Variants in ACTL8 observed in about 807,000 individuals in gnomAD.
ACTL8 encodes the protein actin like 8.
Under a neutral mutation model 9.3 loss-of-function variants are expected in ACTL8, and 3 were observed. The ratio of observed to expected loss-of-function variants is 0.32; its 90% CI spans 0.15 to 0.83. The LOEUF is 0.83. Ranked by LOEUF, ACTL8 falls within the 40% of genes least tolerant of loss-of-function variation. The pLI is 0.57. For synonymous variants in ACTL8, 224 were observed against 205.9 expected (o/e 1.09, Z -0.75); for missense variants, 381 against 492.2 (o/e 0.77, Z 2.14).
intron 1 of ACTL8, among the ~76,000 whole-genome samples, chr1:17,780,344 G>C (rs1000349080): frequency 6.6e-6 from 1 of 152,192 alleles, no homozygotes; most frequent in African/African-American, 2.4e-5. Flanking sequence ...AGAGAGGGCT[G>C]GGGCCTTGCC....
chr1:17,776,433 C>T (rs1277653587), intron 1 of ACTL8, among the ~76,000 whole-genome samples: 1 of 152,146 alleles, frequency 6.6e-6, no homozygotes, highest in Admixed American at 6.5e-5. Context: ...TTTGGCCCTC[C>T]CGCTGTGCCC....
rs776113432 is a variant in ACTL8, at chr1:17,825,775, T to C, written c.357T>C (p.Phe119=). ...ATTCTCCCTCGTTGCAGATCCTGTTTGAGTTGCTGCATGTCCCATCGGTCC... is the reference window on the plus strand; with the variant it reads ...ATTCTCCCTCGTTGCAGATCCTGTTCGAGTTGCTGCATGTCCCATCGGTCC... The part of the protein sequence containing the change: ...ADRKKMLEIL[F]ELLHVPSVLL... The change falls in exon 3 of 3, where the codon TTT becomes TTC. Residue 119 remains phenylalanine (F), a synonymous_variant. Transcript: ENST00000375406. The C allele has an allele frequency of 5.6e-6, 9 of 1,611,610 alleles. No homozygotes were observed. The Admixed American group carries it at 1.2e-4, about 21-fold the overall frequency.
intron 2 of ACTL8, among the ~76,000 whole-genome samples, chr1:17,824,891 G>A (rs1213899671): frequency 1.3e-5 from 2 of 152,068 alleles, no homozygotes; most frequent in Non-Finnish European, 2.9e-5. Flanking sequence ...AGAAATGGCT[G>A]GTGGGGGGAC....
At chr1:17,810,852 A>T (rs1195226776) in intron 1 of ACTL8, among the ~76,000 whole-genome samples, 1 of 152,238 alleles carries the variant, frequency 6.6e-6, no homozygotes, top group Non-Finnish European at 1.5e-5. Flanking sequence ...TTTATTGCTA[A>T]GTAGTATTCC....
intron 1 of ACTL8, among the ~76,000 whole-genome samples, chr1:17,821,487 A>G (rs1408668581): frequency 6.6e-6 from 1 of 152,186 alleles, no homozygotes; most frequent in East Asian, 1.9e-4. Context: ...ATGGACATCC[A>G]ATTGTTCTTT....
chr1:17,820,141 C>T (rs747014881), intron 1 of ACTL8, among the ~76,000 whole-genome samples: 8 of 152,230 alleles, frequency 5.3e-5, no homozygotes, highest in Admixed American at 2.6e-4. Flanking sequence ...GCCCCAAATT[C>T]TGCCATGTCC....
chr1:17,826,445 G>T lies in ACTL8; in HGVS notation c.1027G>T (p.Val343Leu). The change falls in exon 3 of 3, where the codon GTG becomes TTG. Residue 343 changes from valine (V) to leucine (L), a missense_variant. By Grantham distance (32) the Val-to-Leu change is conservative. Coordinates refer to ENST00000375406, the MANE Select transcript of ACTL8 (RefSeq NM_030812.3). This position sits in a 1 kb window ranked among gnomAD's most constrained non-coding sequence, Gnocchi z 4.5. ...CTTTAGTGTCTGGCTAGGAGCGTCCGTGGTGGCTCACCTTTCTACCTACCA... is the reference window on the plus strand; with the variant it reads ...CTTTAGTGTCTGGCTAGGAGCGTCCTTGGTGGCTCACCTTTCTACCTACCA... ...RNFSVWLGAS[V>L]VAHLSTYQSE... 6.2e-7 allele frequency: 1 copy of T among 1,613,358 alleles called. No individual in the cohort carries two copies. Among genetic ancestry groups the T allele is most frequent in the Non-Finnish European group, 8.5e-7 (1 of 1,179,604 alleles).
At chr1:17,793,092 A>G (rs911587775) in intron 1 of ACTL8, among the ~76,000 whole-genome samples, 1 of 152,186 alleles carries the variant, frequency 6.6e-6, no homozygotes, top group Non-Finnish European at 1.5e-5. Context: ...ACTTTCTTGC[A>G]CTGTCGAGGG....
At chr1:17,772,623 A>G (rs925997867) in intron 1 of ACTL8, among the ~76,000 whole-genome samples, 1 of 152,198 alleles carries the variant, frequency 6.6e-6, no homozygotes. Flanking sequence ...GGAGAGAGGG[A>G]GCCCAATAGT....
At chr1:17,790,919 G>C (rs2066234184) in intron 1 of ACTL8, among the ~76,000 whole-genome samples, 1 of 152,230 alleles carries the variant, frequency 6.6e-6, no homozygotes, top group Non-Finnish European at 1.5e-5. Flanking sequence ...ATCTGGCTGG[G>C]CTGTGACAGG....
chr1:17,826,280 C>T lies in ACTL8; in HGVS notation c.862C>T (p.Arg288Cys), dbSNP rs375817792. 1.1e-5 allele frequency: 17 copies of T among 1,611,008 alleles called. No homozygotes were observed. Among genetic ancestry groups the T allele is most frequent in the Middle Eastern group, 3.3e-4 (2 of 6,078 alleles). Reference sequence around the variant, plus strand: ...CGTGGAGTCCTGCGAGATCTCCCTGCGCCCCCTGCTGGTCTCCCACGTGAT... The same window carrying T: ...CGTGGAGTCCTGCGAGATCTCCCTGTGCCCCCTGCTGGTCTCCCACGTGAT... ...ESVESCEISL[R>C]PLLVSHVMAC... Residue 288 changes from arginine (R) to cysteine (C), a missense_variant, in exon 3 of 3, where the codon CGC becomes TGC. By Grantham distance (180) the Arg-to-Cys change is radical (BLOSUM62 -3). Around this residue, in one of 3 missense-constraint regions of ACTL8, gnomAD observed 243 missense variants for 276.2 expected, o/e 0.88. Transcript: ENST00000375406. The surrounding 1 kb of genome is among the most constrained non-coding windows in gnomAD (Gnocchi z 4.5).
At chr1:17,810,417 A>G (rs1217450929) in intron 1 of ACTL8, among the ~76,000 whole-genome samples, 1 of 152,194 alleles carries the variant, frequency 6.6e-6, no homozygotes, top group Non-Finnish European at 1.5e-5. Context: ...AAATAAGAAT[A>G]TTCTCTTTGA....
intron 1 of ACTL8, among the ~76,000 whole-genome samples, chr1:17,764,576 A>AC (rs771804563): frequency 8.6e-5 from 13 of 151,302 alleles, no homozygotes; most frequent in South Asian, 2.1e-4. Context: ...GCTTCTGGGC[A>AC]CCCCCCCACA....
intron 1 of ACTL8, among the ~76,000 whole-genome samples, chr1:17,820,386 T>C (rs963833035): frequency 2.6e-5 from 4 of 152,172 alleles, no homozygotes; most frequent in African/African-American, 7.2e-5. Context: ...GAATGGAGAT[T>C]TGTGTATTCA....
intron 1 of ACTL8, among the ~76,000 whole-genome samples, chr1:17,769,720 G>A (rs954359966): frequency 6.6e-6 from 1 of 152,200 alleles, no homozygotes; most frequent in African/African-American, 2.4e-5. Flanking sequence ...TGGTGGGCAC[G>A]TGCTCAGCTC....
chr1:17,787,758 G>T (rs983208642), intron 1 of ACTL8, among the ~76,000 whole-genome samples: 1 of 152,040 alleles, frequency 6.6e-6, no homozygotes, highest in Non-Finnish European at 1.5e-5. Context: ...TTTCTCTGGG[G>T]TATAATCCCA....
At chr1:17,825,309 CG>C (rs1189952257) in intron 2 of ACTL8, among the ~76,000 whole-genome samples, 1 of 150,700 alleles carries the variant, frequency 6.6e-6, no homozygotes, top group East Asian at 2.0e-4. Context: ...TTCGTTCTGG[CG>C]TCTTTTTTCT....
chr1:17,778,820 T>C (rs2066133820), intron 1 of ACTL8, among the ~76,000 whole-genome samples: 1 of 152,124 alleles, frequency 6.6e-6, no homozygotes, highest in Admixed American at 6.5e-5. Context: ...TCAGGGATGA[T>C]GAGTCCTGGA....
rs1027077337 is a variant in ACTL8, at chr1:17,767,886, A to C, written c.-25+12382A>C. Among the ~76,000 whole-genome samples the C allele has an allele frequency of 7.9e-5, 12 of 152,086 alleles. No homozygotes were observed. The highest frequency in any genetic ancestry group is 2.9e-4 in the African/African-American group (12 of 41,408). ...TGGCAGTGTGGCTTTTCTCGAAAGC[A>C]TGAGGCCCCAGCCTCCCTGGGTGTG... is the stretch of plus-strand genomic sequence containing the variant. On this transcript the variant is annotated intron_variant, in intron 1 of 2. Coordinates refer to ENST00000375406, the MANE Select transcript of ACTL8 (RefSeq NM_030812.3). This position sits in a 1 kb window ranked among gnomAD's most constrained non-coding sequence, Gnocchi z 4.7.
Sources: gnomAD v4.1 joint callset for allele counts (sites outside exome capture counted in the v4.1 genomes callset) on GRCh38, gnomAD v4.1.1 for gene constraint, gnomAD v4.1.1 regional missense constraint, Gnocchi (gnomAD v3.1) non-coding constraint, MANE v1.5 for transcripts, NCBI Gene and HGNC (gene_info 2026-07-23, HGNC 2026-07-21) for gene names.